Variants in RGS3 observed in about 807,000 individuals in gnomAD.
RGS3 encodes regulator of G-protein signalling 3.
In RGS3, 80 loss-of-function variants were observed where a neutral mutation model predicts 132.6. That is an observed-to-expected ratio of 0.60 (90% CI 0.50 to 0.73). The LOEUF is 0.73. Among genes scored for constraint, RGS3 ranks in the 30% least tolerant of loss-of-function variants. RGS3 has a pLI of 0.00. For missense variants in RGS3, 1,382 were observed against 1,530.8 expected (o/e 0.90, Z 1.62); for synonymous variants, 598 against 620.6 (o/e 0.96, Z 0.54).
At chr9:113,574,333 CT>C (rs2118907040) in intron 19 of RGS3, among the ~76,000 whole-genome samples, 1 of 152,342 alleles carries the variant, frequency 6.6e-6, no homozygotes, top group Admixed American at 6.5e-5. Flanking sequence ...CCTGTCCCAT[CT>C]TTTCCCCCCT....
chr9:113,594,639 C>G (rs1010935484), intron 22 of RGS3, 108 bp downstream of exon 20: 1 of 931,862 alleles, frequency 1.1e-6, no homozygotes, highest in South Asian at 1.6e-5. Context: ...CTTGATCCAG[C>G]TCTGGGGGAG....
exon 20 of RGS3, chr9:113,583,991 G>A (rs779825004): frequency 2.2e-5 from 35 of 1,613,988 alleles, no homozygotes; most frequent in Non-Finnish European, 2.9e-5. Flanking sequence ...CCTGAGGTCC[G>A]GCTGGATAGC....
At chr9:113,553,460 ATAT>A (rs1433223883) in intron 19 of RGS3, among the ~76,000 whole-genome samples, 97 of 49,778 alleles carry the variant, frequency 1.9e-3, no homozygotes, top group African/African-American at 6.9e-3. Context: ...AAAAAAAAAA[ATAT>A]ATATATATAT....
At chr9:113,472,745 G>A (rs1273737104) in intron 3 of RGS3, among the ~76,000 whole-genome samples, 1 of 152,164 alleles carries the variant, frequency 6.6e-6, no homozygotes, top group East Asian at 1.9e-4. Context: ...AAAATTACAT[G>A]CTTTAAATTG....
At chr9:113,584,655 T>C (rs900881491) in intron 20 of RGS3, among the ~76,000 whole-genome samples, 2 of 152,348 alleles carry the variant, frequency 1.3e-5, no homozygotes, top group Non-Finnish European at 2.9e-5. Context: ...TGTGTTCTTA[T>C]AGCTCCACTG....
At chr9:113,482,618 CCGG>C (rs1830202208) in intron 4 of RGS3, among the ~76,000 whole-genome samples, 1 of 152,180 alleles carries the variant, frequency 6.6e-6, no homozygotes, top group African/African-American at 2.4e-5. Context: ...GAGCACTGAG[CCGG>C]GAGTCAAGAG....
chr9:113,563,905 A>G (rs773366477), intron 19 of RGS3, among the ~76,000 whole-genome samples: 12 of 152,088 alleles, frequency 7.9e-5, no homozygotes, highest in Non-Finnish European at 1.0e-4. Flanking sequence ...AGACAGAGAC[A>G]CCGTGCTTCA....
intron 18 of RGS3, chr9:113,536,359 T>C (rs1832674558): frequency 4.7e-6 from 2 of 426,912 alleles, no homozygotes; most frequent in Non-Finnish European, 6.3e-6. Flanking sequence ...AGAAGAGCGC[T>C]GTGAGGAAGA....
intron 19 of RGS3, among the ~76,000 whole-genome samples, chr9:113,566,860 G>A (rs1834035179): frequency 6.6e-6 from 1 of 152,258 alleles, no homozygotes; most frequent in Non-Finnish European, 1.5e-5. Context: ...CCCAGCCAGG[G>A]CACTGCAGGC....
At chr9:113,498,065 T>C (rs770622003) in exon 10 of RGS3, 1 of 1,613,806 alleles carries the variant, frequency 6.2e-7, no homozygotes, top group South Asian at 1.1e-5. Context: ...ACACTGAGAA[T>C]GGGAAGAAAC....
upstream of RGS3, among the ~76,000 whole-genome samples, chr9:113,460,040 A>T (rs1281119219): frequency 1.8e-4 from 19 of 107,704 alleles, no homozygotes; most frequent in Admixed American, 1.3e-3. Context: ...AAACTCTCTC[A>T]AAAAAAAAAA....
At chr9:113,540,646 A>C (rs1424112738) in intron 19 of RGS3, among the ~76,000 whole-genome samples, 4 of 152,240 alleles carry the variant, frequency 2.6e-5, no homozygotes, top group African/African-American at 9.6e-5. Flanking sequence ...AAGGGCAGAC[A>C]CAGTGCAGTG....
chr9:113,481,462 C>T (rs886526830), intron 4 of RGS3, among the ~76,000 whole-genome samples: 1 of 152,220 alleles, frequency 6.6e-6, no homozygotes, highest in African/African-American at 2.4e-5. Context: ...GACTAGTAGG[C>T]GCCTGGGTCC....
chr9:113,522,851 A>C (rs1262575984), intron 16 of RGS3, 79 bp from the exon 15 acceptor site: 142 of 902,870 alleles, frequency 1.6e-4, no homozygotes, highest in African/African-American at 1.6e-5. Flanking sequence ...GTGGCTCCCC[A>C]CCTTCTCGGG....
At chr9:113,460,352 T>G in intron 1 of RGS3, 1 of 263,756 alleles carries the variant, frequency 3.8e-6, no homozygotes, top group Non-Finnish European at 7.3e-6. Context: ...ACCCCGTCTC[T>G]ACTAAAAATA....
chr9:113,551,697 A>T (rs1377169462), intron 19 of RGS3, among the ~76,000 whole-genome samples: 2 of 152,126 alleles, frequency 1.3e-5, no homozygotes, highest in African/African-American at 4.8e-5. Flanking sequence ...AACAACAACA[A>T]CAACAACAAA....
At position 113,580,151 on chromosome 9, in the gene RGS3, C is replaced by T. The variant is rs534732065; in HGVS notation, c.2038-3299C>T. 3.3e-5 allele frequency among the ~76,000 whole-genome samples: 5 copies of T among 152,362 alleles called. No individual in the cohort carries two copies. The South Asian group carries it at 6.2e-4, about 19-fold the overall frequency. ...ACCTGCCTGGGAGCACAGAAAGAAC[C>T]ATGAGCTCTGGGCCCTGTTCGCCAG... On this transcript the variant is annotated intron_variant, in intron 19 of 24. Transcript: ENST00000350696.
chr9:113,511,520 G>T (rs1471405907), intron 14 of RGS3, among the ~76,000 whole-genome samples: 1 of 152,070 alleles, frequency 6.6e-6, no homozygotes, highest in Non-Finnish European at 1.5e-5. Flanking sequence ...ATCCTGCCTT[G>T]TATAATTTAC....
intron 3 of RGS3, among the ~76,000 whole-genome samples, chr9:113,469,835 A>G (rs1049308363): frequency 5.9e-5 from 9 of 151,284 alleles, no homozygotes; most frequent in Admixed American, 5.2e-4. Context: ...GTCAGAGAAT[A>G]TACTCTCCAT....
Sources: gnomAD v4.1 joint callset for allele counts (sites outside exome capture counted in the v4.1 genomes callset) on GRCh38, gnomAD v4.1.1 for gene constraint, MANE v1.5 for transcripts, NCBI Gene and HGNC (gene_info 2026-07-23, HGNC 2026-07-21) for gene names.